The following ADCY8 variants were observed in gnomAD, a reference collection of about 807,000 sequenced individuals.
The protein encoded by ADCY8 is adenylate cyclase 8, also known as adenylate cyclase type 8.
A neutral mutation model predicts 119.7 loss-of-function variants in ADCY8; 51 were observed. The ratio of observed to expected loss-of-function variants is 0.43; its 90% CI spans 0.34 to 0.54. The LOEUF is 0.54. ADCY8 is among the 20% of genes least tolerant of loss of function. The probability of loss-of-function intolerance (pLI) is 0.03; values close to 1 mark genes in which losing one functional copy is unlikely to be tolerated. For synonymous variants in ADCY8, 665 were observed against 651.0 expected, an observed-to-expected ratio of 1.02 and a Z score of -0.33; for missense variants, 1,383 against 1,598.8, an observed-to-expected ratio of 0.87 and a Z score of 2.30.
chr8:130,893,335 C>T (rs938438925), intron 7 of ADCY8, among the ~76,000 whole-genome samples: 1 of 152,046 alleles, frequency 6.6e-6, no homozygotes, highest in African/African-American at 2.4e-5. Flanking sequence ...GGAATGGAGG[C>T]AAGATTTCTG....
chr8:130,997,525 T>C (rs1822817347), intron 1 of ADCY8, among the ~76,000 whole-genome samples: 1 of 152,124 alleles, frequency 6.6e-6, no homozygotes, highest in South Asian at 2.1e-4. Context: ...TCAAAACTTA[T>C]GCAGCCAGTA....
In ADCY8 at chr8:130,814,061, T is replaced by G; in HGVS notation, c.2913+8A>C. 1 of 1,614,074 alleles carries G rather than the reference T, an allele frequency of 6.2e-7. No homozygotes were observed. Among genetic ancestry groups the G allele is most frequent in the Non-Finnish European group, 8.5e-7 (1 of 1,180,024 alleles). On this transcript the variant is annotated splice_region_variant and intron_variant, in intron 14 of 17. Transcript: ENST00000286355. The stretch of plus-strand genomic sequence containing the variant: ...CTTTCTCACTGGCTAGACCAGCCCC[T>G]GGCTCACCTCATTGTCTCGGTCCTT...
At chr8:131,003,674 G>A (rs1041897595) in intron 1 of ADCY8, among the ~76,000 whole-genome samples, 4 of 152,074 alleles carry the variant, frequency 2.6e-5, no homozygotes, top group Non-Finnish European at 4.4e-5. Context: ...GAGGCTCAGC[G>A]AGGTTAAATA....
Position 130,836,392 on chromosome 8 carries a change from T to G in ADCY8, c.2560A>C (p.Asn854His). Residue 854 changes from asparagine to histidine, a missense_variant, in exon 12 of 18, where the codon AAC becomes CAC. Physicochemically the swap from Asn to His is moderately conservative, Grantham distance 68. Transcript: ENST00000286355. ...AGCACTGCCAGCTTCAGGACGGAGT[T>G]CAGCCGGAGGAAAACTGCACAGGTC... The part of the protein sequence containing the change: ...MVTCAVFLRL[N>H]SVLKLAVLLI... The G allele has an allele frequency of 6.2e-7, 1 of 1,613,878 alleles. No individual in the cohort carries two copies. The highest frequency in any genetic ancestry group is 8.5e-7 in the Non-Finnish European group (1 of 1,179,890).
At chr8:130,907,330 G>A (rs968278289) in intron 6 of ADCY8, among the ~76,000 whole-genome samples, 2 of 151,538 alleles carry the variant, frequency 1.3e-5, no homozygotes, top group African/African-American at 4.8e-5. Flanking sequence ...GAAACCCAAG[G>A]CTCAGTGGTG....
chr8:131,031,751 C>T (rs1802444180), intron 1 of ADCY8, among the ~76,000 whole-genome samples: 1 of 152,088 alleles, frequency 6.6e-6, no homozygotes, highest in South Asian at 2.1e-4. Context: ...AATTCCTGGT[C>T]TCCAAAACCA....
At chr8:130,914,623 T>C (rs1412769439) in intron 5 of ADCY8, among the ~76,000 whole-genome samples, 3 of 152,190 alleles carry the variant, frequency 2.0e-5, no homozygotes, top group Non-Finnish European at 2.9e-5. Context: ...ACACACAATG[T>C]ATTTCAAGAT....
At chr8:131,032,054 C>T (rs908151579) in intron 1 of ADCY8, among the ~76,000 whole-genome samples, 1 of 152,136 alleles carries the variant, frequency 6.6e-6, no homozygotes, top group Non-Finnish European at 1.5e-5. Flanking sequence ...AATCAGCTGA[C>T]ATAGAATGAG....
intron 1 of ADCY8, among the ~76,000 whole-genome samples, chr8:131,032,032 A>T (rs762802163): frequency 9.2e-5 from 14 of 152,242 alleles, no homozygotes; most frequent in African/African-American, 1.2e-4. Flanking sequence ...GGTTTACTCC[A>T]GTCAACTGAA....
chr8:130,987,688 T>C (rs909363691), intron 2 of ADCY8, among the ~76,000 whole-genome samples: 6 of 152,166 alleles, frequency 3.9e-5, no homozygotes, highest in Non-Finnish European at 8.8e-5. Flanking sequence ...GGGTATAGAA[T>C]TTTTAACAAT....
chr8:131,014,145 T>C (rs1478055341), intron 1 of ADCY8, among the ~76,000 whole-genome samples: 1 of 152,180 alleles, frequency 6.6e-6, no homozygotes, highest in Non-Finnish European at 1.5e-5. Flanking sequence ...GGCTTAAAAT[T>C]GGTGATCTAG....
chr8:130,844,305 G>T (rs998929808), intron 11 of ADCY8, among the ~76,000 whole-genome samples: 1 of 152,106 alleles, frequency 6.6e-6, no homozygotes, highest in Non-Finnish European at 1.5e-5. Context: ...CTCCAACCAT[G>T]ACTGGAATAT....
intron 1 of ADCY8, among the ~76,000 whole-genome samples, chr8:131,038,847 A>T (rs558541286): frequency 6.6e-6 from 1 of 152,318 alleles, no homozygotes; most frequent in Non-Finnish European, 1.5e-5. Flanking sequence ...GGATGACATA[A>T]CACGTACAGT....
chr8:130,825,034 C>A (rs1417169724), intron 12 of ADCY8, among the ~76,000 whole-genome samples: 1 of 152,112 alleles, frequency 6.6e-6, no homozygotes, highest in African/African-American at 2.4e-5. Flanking sequence ...ATCCCAAAAC[C>A]TTCTTGATTC....
intron 9 of ADCY8, among the ~76,000 whole-genome samples, chr8:130,851,854 A>C (rs1189024633): frequency 6.6e-6 from 1 of 152,180 alleles, no homozygotes; most frequent in Non-Finnish European, 1.5e-5. Flanking sequence ...TTTTGGACAC[A>C]ATGCATGTTT....
chr8:130,831,922 A>G (rs1258125415), intron 12 of ADCY8, among the ~76,000 whole-genome samples: 1 of 152,194 alleles, frequency 6.6e-6, no homozygotes, highest in Non-Finnish European at 1.5e-5. Context: ...CATATGCCAG[A>G]CCTGTGCTAA....
chr8:130,970,667 C>T (rs1305996074), intron 2 of ADCY8, among the ~76,000 whole-genome samples: 1 of 152,142 alleles, frequency 6.6e-6, no homozygotes, highest in African/African-American at 2.4e-5. Flanking sequence ...GGAACTGCTG[C>T]CCTAGATGAT....
intron 4 of ADCY8, among the ~76,000 whole-genome samples, chr8:130,942,875 T>C (rs747004605): frequency 1.1e-4 from 17 of 152,222 alleles, no homozygotes; most frequent in Non-Finnish European, 1.8e-4. Context: ...TACTGTCTTG[T>C]TGGCTAAAAA....
At chr8:130,942,289 T>C (rs985089284) in intron 4 of ADCY8, among the ~76,000 whole-genome samples, 1 of 152,220 alleles carries the variant, frequency 6.6e-6, no homozygotes, top group Non-Finnish European at 1.5e-5. Context: ...GTATTATTTA[T>C]ATCATTTTTA....
Sources: allele counts gnomAD v4.1 joint callset (sites outside exome capture counted in the v4.1 genomes callset), GRCh38; gene constraint gnomAD v4.1.1; transcripts MANE v1.5; gene names NCBI Gene and HGNC (gene_info 2026-07-23, HGNC 2026-07-21).